The following PITPNC1 variants were observed in gnomAD, a reference collection of about 807,000 sequenced individuals.
PITPNC1 encodes the protein phosphatidylinositol transfer protein cytoplasmic 1.
PITPNC1 carries 18 observed loss-of-function variants against 44.7 expected under a neutral mutation model. That is an observed-to-expected ratio of 0.40 (90% CI 0.28 to 0.60). The LOEUF (loss-of-function observed/expected upper bound fraction) is 0.60, where lower values mean the gene tolerates loss of function less well. PITPNC1 is among the 20% of genes least tolerant of loss of function. The pLI is 0.39. For synonymous variants in PITPNC1, 141 were observed against 149.6 expected (o/e 0.94, Z 0.42); for missense variants, 290 against 418.4 (o/e 0.69, Z 2.68).
intron 2 of PITPNC1, among the ~76,000 whole-genome samples, chr17:67,543,678 T>G (rs1442820997): frequency 6.6e-6 from 1 of 152,202 alleles, no homozygotes; most frequent in Non-Finnish European, 1.5e-5. Context: ...AAATGCCATT[T>G]ATCCTTTTAA....
intron 6 of PITPNC1, among the ~76,000 whole-genome samples, chr17:67,651,496 G>C (rs1318197715): frequency 6.6e-6 from 1 of 150,548 alleles, no homozygotes; most frequent in African/African-American, 2.5e-5. Flanking sequence ...CCAGGTGACA[G>C]AATGAGACTC....
At chr17:67,616,636 T>C (rs2041760908) in intron 5 of PITPNC1, among the ~76,000 whole-genome samples, 1 of 152,180 alleles carries the variant, frequency 6.6e-6, no homozygotes, top group Non-Finnish European at 1.5e-5. Flanking sequence ...AAAATGGTTC[T>C]CAACCCTTTT....
chr17:67,386,949 T>G (rs1323922754), intron 1 of PITPNC1, among the ~76,000 whole-genome samples: 2 of 151,978 alleles, frequency 1.3e-5, no homozygotes, highest in Non-Finnish European at 2.9e-5. Flanking sequence ...TATTCCCAAG[T>G]GAAGATTTTT....
At chr17:67,522,880 G>A (rs907379320) in intron 1 of PITPNC1, among the ~76,000 whole-genome samples, 2 of 151,848 alleles carry the variant, frequency 1.3e-5, no homozygotes, top group East Asian at 3.9e-4. Flanking sequence ...ATGTTGTCCA[G>A]GGTGGTCACC....
chr17:67,386,589 C>T (rs967538579), intron 1 of PITPNC1, among the ~76,000 whole-genome samples: 1 of 152,104 alleles, frequency 6.6e-6, no homozygotes, highest in Non-Finnish European at 1.5e-5. Flanking sequence ...GGAATCACAA[C>T]GTTTTGGGTT....
chr17:67,458,992 C>T (rs757895113), intron 1 of PITPNC1, among the ~76,000 whole-genome samples: 15 of 151,736 alleles, frequency 9.9e-5, no homozygotes, highest in Non-Finnish European at 1.8e-4. Flanking sequence ...AACCCAAGAA[C>T]ACAAAATTGT....
At chr17:67,660,633 C>T (rs1392611953) in intron 6 of PITPNC1, among the ~76,000 whole-genome samples, 1 of 151,574 alleles carries the variant, frequency 6.6e-6, no homozygotes, top group East Asian at 1.9e-4. Flanking sequence ...GCAGCCTCTG[C>T]CTCTTGGATT....
chr17:67,429,452 C>T (rs953950759), intron 1 of PITPNC1, among the ~76,000 whole-genome samples: 2 of 151,106 alleles, frequency 1.3e-5, no homozygotes, highest in Admixed American at 6.6e-5. Context: ...GTAACCCCAG[C>T]ACTTTGGGAG....
intron 1 of PITPNC1, among the ~76,000 whole-genome samples, chr17:67,402,183 C>T (rs1024894868): frequency 2.0e-5 from 3 of 152,216 alleles, no homozygotes; most frequent in African/African-American, 7.2e-5. Context: ...GTTCCAGTAA[C>T]ATTTTATTTG....
intron 5 of PITPNC1, among the ~76,000 whole-genome samples, chr17:67,579,002 A>G (rs1161727604): frequency 6.6e-6 from 1 of 152,194 alleles, no homozygotes; most frequent in African/African-American, 2.4e-5. Context: ...AAAAAGAGAA[A>G]AGGAAATAGA....
At chr17:67,451,652 T>G (rs12938354) in intron 1 of PITPNC1, among the ~76,000 whole-genome samples, 46,816 of 150,634 alleles carry the variant, frequency 0.31, 7,790 homozygotes, top group African/African-American at 0.44. Context: ...GTTTTGTTTT[T>G]TTTTGAGACA....
At chr17:67,471,820 A>G (rs1460597073) in intron 1 of PITPNC1, among the ~76,000 whole-genome samples, 1 of 152,062 alleles carries the variant, frequency 6.6e-6, no homozygotes, top group African/African-American at 2.4e-5. Flanking sequence ...GACTTTCTTC[A>G]GATTTCACCA....
intron 1 of PITPNC1, among the ~76,000 whole-genome samples, chr17:67,434,837 G>T (rs1483147268): frequency 1.3e-5 from 2 of 151,134 alleles, no homozygotes; most frequent in Non-Finnish European, 2.9e-5. Flanking sequence ...GGCCAGGCTA[G>T]GTGGCTCACG....
At chr17:67,514,473 C>G (rs546058485) in intron 1 of PITPNC1, among the ~76,000 whole-genome samples, 21 of 150,734 alleles carry the variant, frequency 1.4e-4, no homozygotes, top group South Asian at 2.1e-4. Flanking sequence ...AGTGCTGTTA[C>G]AGGCGTGAGC....
chr17:67,428,600 G>A (rs1014284803), intron 1 of PITPNC1, among the ~76,000 whole-genome samples: 2 of 150,978 alleles, frequency 1.3e-5, no homozygotes, highest in Non-Finnish European at 2.9e-5. Flanking sequence ...AGTGACCTGC[G>A]GGTAATGAGA....
intron 6 of PITPNC1, among the ~76,000 whole-genome samples, chr17:67,667,257 G>A (rs973406999): frequency 2.0e-5 from 3 of 151,996 alleles, no homozygotes; most frequent in Non-Finnish European, 2.9e-5. Flanking sequence ...GGCTGGGCCC[G>A]GTGACCCACG....
At chr17:67,459,688 G>A (rs1288522529) in intron 1 of PITPNC1, 1 of 152,108 alleles carries the variant, frequency 6.6e-6, no homozygotes, top group Non-Finnish European at 1.5e-5. Flanking sequence ...TTGAGTTCTG[G>A]ACATCAAGGT....
intron 1 of PITPNC1, among the ~76,000 whole-genome samples, chr17:67,384,599 G>C (rs570762475): frequency 6.6e-6 from 1 of 152,164 alleles, no homozygotes; most frequent in Admixed American, 6.5e-5. Flanking sequence ...CTGATTTTTT[G>C]TATTTTTAGT....
At chr17:67,497,022 A>T (rs1383648245) in intron 1 of PITPNC1, among the ~76,000 whole-genome samples, 2 of 151,760 alleles carry the variant, frequency 1.3e-5, no homozygotes, top group Admixed American at 1.3e-4. Flanking sequence ...GCTACTCGGG[A>T]GGCTGAGGTG....
Sources: gnomAD v4.1 joint callset for allele counts (sites outside exome capture counted in the v4.1 genomes callset) on GRCh38, gnomAD v4.1.1 for gene constraint, MANE v1.5 for transcripts, NCBI Gene and HGNC (gene_info 2026-07-23, HGNC 2026-07-21) for gene names.